The following TENM3 variants were observed in gnomAD, a reference collection of about 807,000 sequenced individuals.
The protein encoded by TENM3 is teneurin transmembrane protein 3.
In TENM3, 63 loss-of-function variants were observed where a neutral mutation model predicts 255.1. That is an observed-to-expected ratio of 0.25 (90% CI 0.20 to 0.30). The LOEUF is 0.30. Ranked by LOEUF, TENM3 falls within the 10% of genes least tolerant of loss-of-function variation. The probability of loss-of-function intolerance (pLI) is 1.00; values close to 1 mark genes in which losing one functional copy is unlikely to be tolerated. For synonymous variants in TENM3, 1,306 were observed against 1,322.3 expected (o/e 0.99, Z 0.27); for missense variants, 2,929 against 3,461.1 (o/e 0.85, Z 3.86).
At position 182,544,323 on chromosome 4, in the gene TENM3, A is replaced by ATTTTTTT. The variant is rs35639483; in HGVS notation, c.512-56581_512-56575dup. ...AGCTCCCTCCAGCACAGCATTGTGG[A>ATTTTTTT]TTTTTTTTTTTTTTTTTTTTTTTTT... is the stretch of plus-strand genomic sequence containing the variant. On this transcript the variant is annotated intron_variant, in intron 3 of 27. Transcript: ENST00000511685. Among the ~76,000 whole-genome samples, 10 of 69,328 alleles carry ATTTTTTT rather than the reference A, an allele frequency of 1.4e-4. 1 individual carries two copies. Among genetic ancestry groups the ATTTTTTT allele is most frequent in the African/African-American group, 5.1e-4 (9 of 17,742 alleles). 45.5% of individuals were successfully genotyped at this position (69,328 alleles called of 152,430 possible).
chr4:181,536,758 G>A, the TENM3 span, among the ~76,000 whole-genome samples: 1 of 152,188 alleles, frequency 6.6e-6, no homozygotes, highest in South Asian at 2.1e-4. Context: ...ACTACTGGTG[G>A]GCTCTAGTGT....
chr4:182,659,981 C>T (rs1754088214), intron 6 of TENM3, among the ~76,000 whole-genome samples: 1 of 152,166 alleles, frequency 6.6e-6, no homozygotes, highest in Admixed American at 6.5e-5. Context: ...GGTTATATAG[C>T]TTCATTGTGC....
At chr4:182,536,324 A>G (rs992455665) in intron 3 of TENM3, among the ~76,000 whole-genome samples, 19 of 152,358 alleles carry the variant, frequency 1.2e-4, no homozygotes, top group African/African-American at 4.1e-4. Flanking sequence ...TCTTTCTTCT[A>G]TCAGTGTGGC....
At chr4:181,540,847 G>T in the TENM3 span, among the ~76,000 whole-genome samples, 1 of 151,904 alleles carries the variant, frequency 6.6e-6, no homozygotes, top group African/African-American at 2.4e-5. Flanking sequence ...GGGCCATTAA[G>T]AAATACAGAG....
intron 6 of TENM3, among the ~76,000 whole-genome samples, chr4:182,667,137 G>C (rs1235245610): frequency 1.3e-5 from 2 of 151,988 alleles, no homozygotes; most frequent in Non-Finnish European, 2.9e-5. Flanking sequence ...TAATTTAACT[G>C]TCAGAGCCAG....
At chr4:182,314,473 C>T (rs1008372052) in intron 1 of TENM3, among the ~76,000 whole-genome samples, 1 of 152,208 alleles carries the variant, frequency 6.6e-6, no homozygotes, top group Non-Finnish European at 1.5e-5. Flanking sequence ...TCTATACATA[C>T]AGATCAGCTG....
chr4:181,517,763 C>T, the TENM3 span, among the ~76,000 whole-genome samples: 3 of 152,308 alleles, frequency 2.0e-5, no homozygotes, highest in Non-Finnish European at 2.9e-5. Flanking sequence ...CTCCCACATG[C>T]GGCTTTGCAA....
At position 182,407,924 on chromosome 4, in the gene TENM3, A is replaced by G. The variant is rs79664181; in HGVS notation, c.511+60995A>G. On this transcript the variant is annotated intron_variant, in intron 3 of 27. Coordinates refer to ENST00000511685, the MANE Select transcript of TENM3 (RefSeq NM_001080477.4). ...CAATGCATTGAAAATACCTTTCAAA[A>G]TTGATTTGCACATAATTATATATGC... 5.9e-4 allele frequency among the ~76,000 whole-genome samples: 90 copies of G among 152,346 alleles called. No individual in the cohort carries two copies. The East Asian group carries it at 0.011, about 18-fold the overall frequency.
intron 3 of TENM3, among the ~76,000 whole-genome samples, chr4:182,413,124 T>C (rs1003150905): frequency 4.0e-5 from 6 of 151,180 alleles, no homozygotes; most frequent in Non-Finnish European, 8.8e-5. Context: ...AAGGATGAAA[T>C]GATAGTCTAC....
the TENM3 span, among the ~76,000 whole-genome samples, chr4:181,737,491 C>T: frequency 1.3e-5 from 2 of 151,986 alleles, no homozygotes; most frequent in Non-Finnish European, 2.9e-5. Context: ...TGGTCAATGT[C>T]GCTGGAAGAT....
At chr4:181,856,845 G>A in the TENM3 span, among the ~76,000 whole-genome samples, 33 of 152,246 alleles carry the variant, frequency 2.2e-4, no homozygotes, top group African/African-American at 7.0e-4. Flanking sequence ...TCTGGGCCAC[G>A]GCAGCACCTG....
At chr4:181,966,078 A>C in the TENM3 span, among the ~76,000 whole-genome samples, 916 of 152,294 alleles carry the variant, frequency 6.0e-3, 30 homozygotes, top group Admixed American at 0.047. Context: ...TATCAATTTG[A>C]CTGTAGACCA....
the TENM3 span, among the ~76,000 whole-genome samples, chr4:181,666,241 C>T: frequency 1.0e-3 from 153 of 152,298 alleles, 4 homozygotes; most frequent in East Asian, 0.019. Context: ...AATTGTTATA[C>T]TGTCCATGTC....
chr4:181,501,210 C>G, the TENM3 span, among the ~76,000 whole-genome samples: 32,083 of 151,954 alleles, frequency 0.21, 3,784 homozygotes, highest in Admixed American at 0.29. Flanking sequence ...GTGGAGAAGG[C>G]AGCTGTTTCA....
At chr4:182,667,593 G>T (rs1348649123) in intron 6 of TENM3, among the ~76,000 whole-genome samples, 2 of 152,168 alleles carry the variant, frequency 1.3e-5, no homozygotes, top group African/African-American at 4.8e-5. Context: ...GCTCTAGGTA[G>T]AGAGGTAGCA....
chr4:181,757,345 A>G, the TENM3 span, among the ~76,000 whole-genome samples: 1 of 152,114 alleles, frequency 6.6e-6, no homozygotes. Flanking sequence ...GAGAATGACA[A>G]GGTTGCCCAG....
chr4:182,007,948 G>T, the TENM3 span, among the ~76,000 whole-genome samples: 1 of 152,156 alleles, frequency 6.6e-6, no homozygotes, highest in Non-Finnish European at 1.5e-5. Flanking sequence ...GCATTTGCCT[G>T]TCTGGAGAGG....
At chr4:181,684,217 A>G in the TENM3 span, among the ~76,000 whole-genome samples, 8 of 152,224 alleles carry the variant, frequency 5.3e-5, no homozygotes, top group Admixed American at 5.2e-4. Context: ...TCACGAGTGC[A>G]TGTGGGAGGA....
At chr4:182,683,704 C>T (rs1412290955) in intron 11 of TENM3, among the ~76,000 whole-genome samples, 3 of 151,968 alleles carry the variant, frequency 2.0e-5, no homozygotes, top group Non-Finnish European at 4.4e-5. Flanking sequence ...ATAATTTGCC[C>T]ACTAAGACAA....
Sources: gnomAD v4.1 joint callset for allele counts (sites outside exome capture counted in the v4.1 genomes callset) on GRCh38, gnomAD v4.1.1 for gene constraint, MANE v1.5 for transcripts, NCBI Gene and HGNC (gene_info 2026-07-23, HGNC 2026-07-21) for gene names.